DOT1L: variants seen among roughly 807,000 people sequenced by gnomAD.
DOT1L encodes histone-lysine N-methyltransferase, H3 lysine-79 specific.
In DOT1L, 33 loss-of-function variants were observed where a neutral mutation model predicts 153.3. That is an observed-to-expected ratio of 0.22 (90% CI 0.16 to 0.29). DOT1L has a LOEUF of 0.29. Among genes scored for constraint, DOT1L ranks in the 10% least tolerant of loss-of-function variants. The pLI, the probability that DOT1L is intolerant of heterozygous loss-of-function variation, is 1.00. For missense variants in DOT1L, 1,847 were observed against 2,119.9 expected, an observed-to-expected ratio of 0.87 and a Z score of 2.53; for synonymous variants, 1,135 against 965.1, an observed-to-expected ratio of 1.18 and a Z score of -3.26.
intron 1 of DOT1L, among the ~76,000 whole-genome samples, chr19:2,165,138 A>C (rs1459138707): frequency 6.6e-6 from 1 of 151,888 alleles, no homozygotes; most frequent in African/African-American, 2.4e-5. Context: ...CGCGCTTGGG[A>C]CCCTCTGGCC....
chr19:2,200,050 AG>A (rs2023185198), intron 8 of DOT1L, 111 bp downstream of exon 8: 3 of 1,398,642 alleles, frequency 2.1e-6, no homozygotes, highest in Non-Finnish European at 2.9e-6. Flanking sequence ...TGGCTGTGGC[AG>A]GAAAGAGGCC....
intron 7 of DOT1L, 26 bp downstream of exon 7, chr19:2,194,603 TCCCATCGCCGGC>T: frequency 6.2e-7 from 1 of 1,605,536 alleles, no homozygotes; most frequent in Non-Finnish European, 8.5e-7. Flanking sequence ...CCGCCCCGGC[TCCCATCGCCGGC>T]CCCACCCCCG....
chr19:2,195,769 A>G (rs1001434077), intron 7 of DOT1L, among the ~76,000 whole-genome samples: 19 of 152,338 alleles, frequency 1.2e-4, no homozygotes, highest in African/African-American at 4.6e-4. Flanking sequence ...TGGCAAGGCC[A>G]ACTCGTGATC....
rs1489456032 is a variant in DOT1L, at chr19:2,204,607, G to A, written c.787+1828G>A. ...GCCAGCTTTCTCTGCACGATCAGAC[G>A]TGGTGGCTGAGTCAGGGTACTGCAG... On this transcript the variant is annotated intron_variant, in intron 9 of 27. Coordinates refer to ENST00000398665, the MANE Select transcript of DOT1L (RefSeq NM_032482.3). The surrounding 1 kb of genome is among the most constrained non-coding windows in gnomAD (Gnocchi z 5.7). 3.3e-5 allele frequency among the ~76,000 whole-genome samples: 5 copies of A among 152,316 alleles called. No individual in the cohort carries two copies. Among genetic ancestry groups the A allele is most frequent in the South Asian group, 2.1e-4 (1 of 4,828 alleles).
At chr19:2,229,109 T>C in intron 27 of DOT1L, 1 of 985,420 alleles carries the variant, frequency 1.0e-6, no homozygotes. Context: ...CAGGTTAGTG[T>C]AGACGGTGCC....
chr19:2,170,498 G>C (rs1036108441), intron 1 of DOT1L, among the ~76,000 whole-genome samples: 1 of 152,118 alleles, frequency 6.6e-6, no homozygotes, highest in Non-Finnish European at 1.5e-5. Flanking sequence ...ACGGGTACCC[G>C]GGGATTCATC....
At chr19:2,186,623 C>G (rs2022518725) in intron 3 of DOT1L, among the ~76,000 whole-genome samples, 1 of 152,232 alleles carries the variant, frequency 6.6e-6, no homozygotes, top group Non-Finnish European at 1.5e-5. Flanking sequence ...GCTCTCCGGC[C>G]TCACTGGCAT....
rs1387325358 is a variant in DOT1L, at chr19:2,210,557, G to A, written c.1116+47G>A. The A allele has an allele frequency of 6.3e-6, 10 of 1,590,648 alleles. No homozygotes were observed. The Admixed American group carries it at 8.6e-5, about 14-fold the overall frequency. On this transcript the variant is annotated intron_variant, in intron 13 of 27. Transcript: ENST00000398665. ...TGCTGCTGGAGGGCACCCGCCCCCTGCCCGGGAGACCCCATGGGTGGGAGG... is the reference window on the plus strand; with the variant it reads ...TGCTGCTGGAGGGCACCCGCCCCCTACCCGGGAGACCCCATGGGTGGGAGG...
intron 1 of DOT1L, among the ~76,000 whole-genome samples, chr19:2,165,803 C>T (rs1382365418): frequency 1.3e-5 from 2 of 149,306 alleles, no homozygotes; most frequent in Non-Finnish European, 3.0e-5. Flanking sequence ...GAGTCTCGAT[C>T]TGTCGCCAAA....
At position 2,214,503 on chromosome 19, in the gene DOT1L, C is replaced by G. The variant is rs748066010; in HGVS notation, c.1830C>G (p.Asp610Glu). 6.2e-7 allele frequency: 1 copy of G among 1,613,046 alleles called. No individual in the cohort carries two copies. Among genetic ancestry groups the G allele is most frequent in the Admixed American group, 1.7e-5 (1 of 59,998 alleles). ...CTCGCTGCGAGGAGCTGCAGCTGGA[C>G]TGGGCCACGCTGTCGCTGGAGAAGC... ...LKARCEELQL[D>E]WATLSLEKLL... The change falls in exon 19 of 28, where the codon GAC (aspartate) becomes GAG (glutamate). Residue 610 changes from aspartate to glutamate, a missense_variant. Coordinates refer to ENST00000398665, the MANE Select transcript of DOT1L (RefSeq NM_032482.3).
intron 12 of DOT1L, among the ~76,000 whole-genome samples, chr19:2,209,559 G>A (rs2023634199): frequency 6.6e-6 from 1 of 152,260 alleles, no homozygotes; most frequent in Non-Finnish European, 1.5e-5. Flanking sequence ...CTGCACCGTC[G>A]GAGGCAGGGC....
Position 2,202,054 on chromosome 19 carries a change from G to A in DOT1L, c.708-646G>A, listed in dbSNP as rs568689574. ...TACCCAGGTCTTTCTGGCTCACACC[G>A]CTCAGCCACCTTGGCCACCTGAGCT... On this transcript the variant is annotated intron_variant, in intron 8 of 27. Coordinates refer to ENST00000398665, the MANE Select transcript of DOT1L (RefSeq NM_032482.3). Among the ~76,000 whole-genome samples, 3 of 152,312 alleles carry A rather than the reference G, an allele frequency of 2.0e-5. No individual in the cohort carries two copies. The South Asian group carries it at 6.2e-4, about 32-fold the overall frequency.
chr19:2,187,865 T>C (rs2022599670), intron 3 of DOT1L, among the ~76,000 whole-genome samples: 1 of 145,648 alleles, frequency 6.9e-6, no homozygotes, highest in Admixed American at 7.0e-5. Context: ...GAGCTTGCAG[T>C]GAGCTGAGAT....
At chr19:2,215,355 A>C (rs1197340913) in intron 19 of DOT1L, 1 of 151,850 alleles carries the variant, frequency 6.6e-6, no homozygotes, top group Admixed American at 6.6e-5. Context: ...TGCAGCGGGA[A>C]GGTGCTCTCC....
At chr19:2,174,736 C>A (rs112280301) in intron 1 of DOT1L, among the ~76,000 whole-genome samples, 6,184 of 151,138 alleles carry the variant, frequency 0.041, 420 homozygotes, top group African/African-American at 0.14. Context: ...CCTCCCACTT[C>A]AGTCTCCCAA....
chr19:2,225,000 G>C (rs747344611), intron 25 of DOT1L, among the ~76,000 whole-genome samples: 1 of 152,154 alleles, frequency 6.6e-6, no homozygotes, highest in Non-Finnish European at 1.5e-5. Flanking sequence ...CAATGCTGTG[G>C]CATTGTTTGC....
intron 15 of DOT1L, 92 bp downstream of exon 15, chr19:2,211,304 C>A: frequency 8.7e-7 from 1 of 1,145,568 alleles, no homozygotes; most frequent in East Asian, 2.5e-5. Context: ...GCAGCAGCCC[C>A]CGTGACCTCC....
intron 8 of DOT1L, 76 bp downstream of exon 8, chr19:2,200,015 C>G: frequency 1.3e-6 from 2 of 1,564,134 alleles, no homozygotes; most frequent in South Asian, 2.3e-5. Flanking sequence ...CACCGGGGAC[C>G]GGGAGCGGCC....
Position 2,207,471 on chromosome 19 carries a change from G to A in DOT1L, c.857-103G>A, listed in dbSNP as rs76991460. On this transcript the variant is annotated intron_variant, in intron 10 of 27. Transcript: ENST00000398665. This position sits in a 1 kb window ranked among gnomAD's most constrained non-coding sequence, Gnocchi z 4.5. ...CAGTGTGGGAGAAGAGGGAAGACGC[G>A]CAGCTCAGGCTTCTGTCCCCACGCC... The A allele has an allele frequency of 3.3e-3, 3,131 of 943,450 alleles. 73 individuals are homozygous for A. The African/African-American group carries it at 0.042, about 13-fold the overall frequency. 58.4% of individuals were successfully genotyped at this position (943,450 alleles called of 1,614,324 possible).
Sources: gnomAD v4.1 joint callset for allele counts (sites outside exome capture counted in the v4.1 genomes callset) on GRCh38, gnomAD v4.1.1 for gene constraint, Gnocchi (gnomAD v3.1) non-coding constraint, MANE v1.5 for transcripts, NCBI Gene and HGNC (gene_info 2026-07-23, HGNC 2026-07-21) for gene names.